Variants in HTRA1 observed in about 807,000 individuals in gnomAD.
HTRA1 encodes HtrA serine peptidase 1, also known as serine protease HTRA1.
In HTRA1, 26 loss-of-function variants were observed where a neutral mutation model predicts 49.7. The ratio of observed to expected loss-of-function variants is 0.52; its 90% CI spans 0.38 to 0.73. HTRA1 has a LOEUF of 0.73. HTRA1 is among the 30% of genes least tolerant of loss of function. The probability of loss-of-function intolerance (pLI) is 0.00; values close to 1 mark genes in which losing one functional copy is unlikely to be tolerated. For synonymous variants in HTRA1, 291 were observed against 286.9 expected, an observed-to-expected ratio of 1.01 and a Z score of -0.14; for missense variants, 561 against 667.2, an observed-to-expected ratio of 0.84 and a Z score of 1.75.
rs918998097 is a variant in HTRA1 at position 122,514,439 on chromosome 10, T to C, written c.*80T>C. The C allele has an allele frequency of 2.1e-6, 3 of 1,414,426 alleles. No homozygotes were observed. Among genetic ancestry groups the C allele is most frequent in the African/African-American group, 1.4e-5 (1 of 71,082 alleles). 87.6% of individuals were successfully genotyped at this position (1,414,426 alleles called of 1,614,324 possible). ...GGATGAGGACTCTGGGCTGCTGGAATAGGACACTCAAGACTTTTGACTGCC... is the reference window on the plus strand; with the variant it reads ...GGATGAGGACTCTGGGCTGCTGGAACAGGACACTCAAGACTTTTGACTGCC... On this transcript the variant is annotated 3_prime_UTR_variant, in exon 9 of 9. Coordinates refer to ENST00000368984, the MANE Select transcript of HTRA1 (RefSeq NM_002775.5).
chr10:122,485,177 T>C (rs527860602), intron 1 of HTRA1, among the ~76,000 whole-genome samples: 1 of 152,392 alleles, frequency 6.6e-6, no homozygotes, highest in South Asian at 2.1e-4. Flanking sequence ...TTCTTTCAGT[T>C]GACATTTTGT....
In HTRA1 at chr10:122,496,145, C is replaced by A. The variant is rs78133032; in HGVS notation, c.777+6519C>A. On this transcript the variant is annotated intron_variant, in intron 3 of 8. Transcript: ENST00000368984. ...GGCAGGAATGCTTATAAGAACCAAG[C>A]GAGGTGAAGCACTAGGTGGCCGCGG... 2.0e-5 allele frequency among the ~76,000 whole-genome samples: 3 copies of A among 147,418 alleles called. No homozygotes were observed. In the South Asian group the frequency reaches 6.4e-4, roughly 31 times the overall value.
chr10:122,471,044 C>T (rs138989140), intron 1 of HTRA1, among the ~76,000 whole-genome samples: 20 of 152,234 alleles, frequency 1.3e-4, no homozygotes, highest in African/African-American at 3.6e-4. Flanking sequence ...AGCAAACAGC[C>T]GTCTCTGCCT....
At chr10:122,511,732 CAAA>C (rs56119820) in intron 7 of HTRA1, among the ~76,000 whole-genome samples, 50 of 133,938 alleles carry the variant, frequency 3.7e-4, no homozygotes, top group Admixed American at 3.2e-4. Context: ...GACTCTGTCT[CAAA>C]AAAAAAAAAA....
chr10:122,497,044 G>A (rs968653820), intron 3 of HTRA1, among the ~76,000 whole-genome samples: 2 of 152,164 alleles, frequency 1.3e-5, no homozygotes, highest in Admixed American at 1.3e-4. Context: ...CAGTTCCGTA[G>A]CTGGTTTCCT....
At position 122,461,589 on chromosome 10, in the gene HTRA1, T is replaced by C; in HGVS notation, c.-64T>C. 5 of 1,083,140 alleles carry C rather than the reference T, an allele frequency of 4.6e-6. No homozygotes were observed. Among genetic ancestry groups the C allele is most frequent in the Non-Finnish European group, 3.7e-6 (3 of 820,252 alleles). The allele number at this position is 1,083,140 out of a possible 1,614,324, so 67.1% of individuals were successfully genotyped here. A position where few individuals can be genotyped will look rare whatever the true frequency, so the allele number is the denominator to read the frequency against. ...CTGCCCCCGAGGCCCTCCTGCACTC[T>C]CCCCGGCGCCGCTCTCCGGCCCTCG... On this transcript the variant is annotated 5_prime_UTR_variant, in exon 1 of 9. Transcript: ENST00000368984.
At chr10:122,508,522 G>T in intron 5 of HTRA1, 134 bp from the exon 6 acceptor site, 1 of 756,990 alleles carries the variant, frequency 1.3e-6, no homozygotes, top group Non-Finnish European at 2.4e-6. Context: ...GCTGCCACGG[G>T]GATCCCCTCC....
At chr10:122,511,038 G>A (rs956761453) in intron 7 of HTRA1, among the ~76,000 whole-genome samples, 12 of 151,748 alleles carry the variant, frequency 7.9e-5, no homozygotes, top group African/African-American at 2.9e-4. Flanking sequence ...TCCCTGCTCT[G>A]ATATGTCCTG....
At chr10:122,491,837 A>ATGGAATTG (rs1466787166) in intron 3 of HTRA1, among the ~76,000 whole-genome samples, 2 of 152,232 alleles carry the variant, frequency 1.3e-5, no homozygotes, top group African/African-American at 4.8e-5. Context: ...GCTTTTCAAA[A>ATGGAATTG]TGGAATTGGA....
intron 7 of HTRA1, among the ~76,000 whole-genome samples, chr10:122,511,694 C>G (rs2097505638): frequency 6.6e-6 from 1 of 151,002 alleles, no homozygotes; most frequent in South Asian, 2.1e-4. Flanking sequence ...GATCGTACCA[C>G]TGCACTCCAG....
In HTRA1 at chr10:122,514,264, G is replaced by C. The variant is rs772225907; in HGVS notation, c.1348G>C (p.Asp450His). Residue 450 changes from aspartate to histidine, a missense_variant, in exon 9 of 9, where the codon GAC (aspartate) becomes CAC (histidine). Transcript: ENST00000368984. Reference sequence around the variant, plus strand: ...CGTGGTCTCCGCCAATGATGTCAGCGACGTCATTAAAAGGGAAAGCACCCT... The same window carrying C: ...CGTGGTCTCCGCCAATGATGTCAGCCACGTCATTAAAAGGGAAAGCACCCT... ...QSVVSANDVS[D>H]VIKRESTLNM... 20 of 1,613,944 alleles carry C rather than the reference G, an allele frequency of 1.2e-5. No homozygotes were observed. Among genetic ancestry groups the C allele is most frequent in the Non-Finnish European group, 1.7e-5 (20 of 1,180,016 alleles).
At chr10:122,500,912 C>T (rs1300421506) in intron 3 of HTRA1, among the ~76,000 whole-genome samples, 1 of 152,156 alleles carries the variant, frequency 6.6e-6, no homozygotes, top group Non-Finnish European at 1.5e-5. Context: ...TTCCCCTTTG[C>T]CCTGCTCTGT....
At chr10:122,493,127 T>C (rs1381327929) in intron 3 of HTRA1, among the ~76,000 whole-genome samples, 2 of 152,188 alleles carry the variant, frequency 1.3e-5, no homozygotes, top group African/African-American at 2.4e-5. Flanking sequence ...CTGCTGAGTC[T>C]TGGGACCCGG....
chr10:122,466,713 T>C (rs1302115435), intron 1 of HTRA1, among the ~76,000 whole-genome samples: 1 of 152,198 alleles, frequency 6.6e-6, no homozygotes, highest in Non-Finnish European at 1.5e-5. Context: ...GCAATTCAAA[T>C]ACACCTTTTG....
At chr10:122,503,457 C>T (rs2097501756) in intron 3 of HTRA1, among the ~76,000 whole-genome samples, 1 of 152,198 alleles carries the variant, frequency 6.6e-6, no homozygotes, top group Admixed American at 6.5e-5. Context: ...GGGGCCGTGA[C>T]CCCCAAAAGG....
At chr10:122,476,590 C>A (rs923635570) in intron 1 of HTRA1, among the ~76,000 whole-genome samples, 3 of 152,222 alleles carry the variant, frequency 2.0e-5, no homozygotes, top group Non-Finnish European at 4.4e-5. Context: ...CTTCCTGCCA[C>A]CCAGCGACTG....
At chr10:122,491,463 T>G (rs2097495749) in intron 3 of HTRA1, among the ~76,000 whole-genome samples, 1 of 152,236 alleles carries the variant, frequency 6.6e-6, no homozygotes. Flanking sequence ...CTGTTCAGCC[T>G]CATGGAGCTT....
chr10:122,480,117 T>C (rs150349741), intron 1 of HTRA1, among the ~76,000 whole-genome samples: 1 of 152,274 alleles, frequency 6.6e-6, no homozygotes, highest in African/African-American at 2.4e-5. Context: ...AGCTCCGTGT[T>C]ACAGAAAGGG....
chr10:122,495,357 A>G (rs1232698379), intron 3 of HTRA1, among the ~76,000 whole-genome samples: 2 of 152,148 alleles, frequency 1.3e-5, no homozygotes, highest in Non-Finnish European at 2.9e-5. Flanking sequence ...TGTTGACGTT[A>G]TGAGGCTTCT....
Sources: gnomAD v4.1 joint callset for allele counts (sites outside exome capture counted in the v4.1 genomes callset) on GRCh38, gnomAD v4.1.1 for gene constraint, MANE v1.5 for transcripts, NCBI Gene and HGNC (gene_info 2026-07-23, HGNC 2026-07-21) for gene names.